The following GRID2IP variants were observed in gnomAD, a reference collection of about 807,000 sequenced individuals.
GRID2IP encodes the protein delphilin.
GRID2IP carries 78 observed loss-of-function variants against 114.3 expected under a neutral mutation model. The observed-to-expected ratio is 0.68, with a 90% confidence interval of 0.57 to 0.82. GRID2IP has a LOEUF of 0.82. Ranked by LOEUF, GRID2IP falls within the 40% of genes least tolerant of loss-of-function variation. The probability of loss-of-function intolerance (pLI) is 0.00; values close to 1 mark genes in which losing one functional copy is unlikely to be tolerated. For missense variants in GRID2IP, 1,727 were observed against 1,678.5 expected, an observed-to-expected ratio of 1.03 and a Z score of -0.51; for synonymous variants, 809 against 724.0, an observed-to-expected ratio of 1.12 and a Z score of -1.89.
At position 6,551,099 on chromosome 7, in the gene GRID2IP, A is replaced by T; in HGVS notation, c.338T>A (p.Leu113Gln). 1 of 1,302,322 alleles carries T rather than the reference A, an allele frequency of 7.7e-7. No homozygotes were observed. The highest frequency in any genetic ancestry group is 9.7e-7 in the Non-Finnish European group (1 of 1,029,488). 80.7% of individuals were successfully genotyped at this position (1,302,322 alleles called of 1,614,324 possible). A position where few individuals can be genotyped will look rare whatever the true frequency, so the allele number is the denominator to read the frequency against. ...GGCCAGGCGAAGCAGCTCACGGCCC[A>T]GAGCTAGGCCGCGGCCGCACCGCGG... ...RAPRCGRGLALGRELLRLAGR... is the reference protein window; with the variant it reads ...RAPRCGRGLAQGRELLRLAGR... The change falls in exon 1 of 22, where the codon CTG becomes CAG. Residue 113 changes from leucine to glutamine, a missense_variant. Leu to Gln is a moderately radical substitution (Grantham distance 113). Coordinates refer to ENST00000457091, the MANE Select transcript of GRID2IP (RefSeq NM_001145118.2).
At chr7:6,535,529 T>A (rs1207264188) in intron 2 of GRID2IP, among the ~76,000 whole-genome samples, 1 of 152,076 alleles carries the variant, frequency 6.6e-6, no homozygotes, top group Non-Finnish European at 1.5e-5. Context: ...CACGTGTATA[T>A]TTTTTTGCCT....
At chr7:6,524,254 C>G (rs748025903) in intron 4 of GRID2IP, among the ~76,000 whole-genome samples, 20 of 152,196 alleles carry the variant, frequency 1.3e-4, no homozygotes, top group Non-Finnish European at 2.4e-4. Context: ...CGATGCCCAG[C>G]TCACAGATCC....
At chr7:6,513,235 T>G (rs1488594457) in intron 8 of GRID2IP, among the ~76,000 whole-genome samples, 2 of 152,014 alleles carry the variant, frequency 1.3e-5, no homozygotes. Flanking sequence ...TCTTTCTTTT[T>G]TCTTTTTTTC....
Position 6,551,414 on chromosome 7 carries a change from G to A in GRID2IP, c.23C>T (p.Ala8Val). The A allele has an allele frequency of 6.5e-7, 1 of 1,544,718 alleles. No homozygotes were observed. The part of the protein sequence containing the change: MATTATP[A>V]TNQGWPEDFG... ...GTCCTCTGGCCAGCCCTGGTTCGTG[G>A]CCGGCGTGGCAGTGGTGGCCATGCA... The change falls in exon 1 of 22, where the codon GCC becomes GTC. Residue 8 changes from alanine to valine, a missense_variant. Coordinates refer to ENST00000457091, the MANE Select transcript of GRID2IP (RefSeq NM_001145118.2).
chr7:6,537,303 G>T (rs1223798085), intron 2 of GRID2IP, among the ~76,000 whole-genome samples: 1 of 151,036 alleles, frequency 6.6e-6, no homozygotes, highest in African/African-American at 2.4e-5. Context: ...CAGCATTTTG[G>T]GAGGCTGAGG....
intron 8 of GRID2IP, 46 bp downstream of exon 8, chr7:6,514,329 A>G (rs1779247699): frequency 6.9e-7 from 1 of 1,442,906 alleles, no homozygotes; most frequent in African/African-American, 1.4e-5. Flanking sequence ...TGAGCTGGAC[A>G]GTCAGCAGCT....
At position 6,508,269 on chromosome 7, in the gene GRID2IP, G is replaced by T. The variant is rs1283302801; in HGVS notation, c.2260C>A (p.Leu754Ile). 2 of 1,523,964 alleles carry T rather than the reference G, an allele frequency of 1.3e-6. No individual in the cohort carries two copies. The highest frequency in any genetic ancestry group is 2.8e-5 in the African/African-American group (2 of 72,306). The allele number at this position is 1,523,964 out of a possible 1,614,324, so 94.4% of individuals were successfully genotyped here. Residue 754 changes from leucine (L) to isoleucine (I), a missense_variant, in exon 13 of 22, where the codon CTC (leucine) becomes ATC (isoleucine). Transcript: ENST00000457091. The surrounding 1 kb of genome is among the most constrained non-coding windows in gnomAD (Gnocchi z 5.6). ...SISDHIPPPP[L>I]SPPPPPPLPF... is the part of the protein sequence containing the mutation. ...AGGGGTGGCGGTGGTGGGGGGCTGA[G>T]CGGGGGTGGGGGGATGTGGTCAGAG...
rs2115352189 is a variant in GRID2IP at position 6,501,998 on chromosome 7, C to T, written c.3271G>A (p.Ala1091Thr). 4 of 1,551,320 alleles carry T rather than the reference C, an allele frequency of 2.6e-6. No homozygotes were observed. The highest frequency in any genetic ancestry group is 2.4e-5 in the South Asian group (2 of 84,060). Residue 1091 changes from alanine to threonine, a missense_variant, in exon 19 of 22, where the codon GCT becomes ACT. Coordinates refer to ENST00000457091, the MANE Select transcript of GRID2IP (RefSeq NM_001145118.2). ...CACCCACCCAGCATACCTTTGGCAG[C>T]CAGGGGCACGGTGGGCAGGTCCTGA... is the stretch of plus-strand genomic sequence containing the variant. ...FAQDLPTVPL[A>T]AKVNQRALTS...
At chr7:6,511,922 T>A (rs185484477) in intron 8 of GRID2IP, among the ~76,000 whole-genome samples, 37 of 151,936 alleles carry the variant, frequency 2.4e-4, no homozygotes, top group Admixed American at 5.9e-4. Flanking sequence ...TTTCTCTCTT[T>A]ATTTATTCAG....
At chr7:6,514,588 A>C in intron 7 of GRID2IP, 59 bp from the exon 8 acceptor site, 1 of 1,398,354 alleles carries the variant, frequency 7.2e-7, no homozygotes, top group Non-Finnish European at 9.4e-7. Flanking sequence ...TGATGCACAG[A>C]GTGGGGGTAG....
intron 14 of GRID2IP, 145 bp from the exon 15 acceptor site, chr7:6,505,015 T>G: frequency 7.4e-6 from 5 of 676,960 alleles, no homozygotes; most frequent in Non-Finnish European, 1.3e-5. Flanking sequence ...AGTCCCTTCA[T>G]TCCTCAGGTC....
chr7:6,538,998 A>G (rs1431697845), intron 2 of GRID2IP, among the ~76,000 whole-genome samples: 1 of 152,046 alleles, frequency 6.6e-6, no homozygotes, highest in East Asian at 1.9e-4. Context: ...CTGGAGCCCC[A>G]CATGGCACAG....
At position 6,508,528 on chromosome 7, in the gene GRID2IP, C is replaced by G; in HGVS notation, c.2128-127G>C. 7.0e-7 allele frequency: 1 copy of G among 1,433,238 alleles called. No individual in the cohort carries two copies. The highest frequency in any genetic ancestry group is 9.3e-7 in the Non-Finnish European group (1 of 1,071,580). The allele number at this position is 1,433,238 out of a possible 1,614,324, so 88.8% of individuals were successfully genotyped here. A position where few individuals can be genotyped will look rare whatever the true frequency, so the allele number is the denominator to read the frequency against. On this transcript the variant is annotated intron_variant, in intron 12 of 21. Coordinates refer to ENST00000457091, the MANE Select transcript of GRID2IP (RefSeq NM_001145118.2). This position sits in a 1 kb window ranked among gnomAD's most constrained non-coding sequence, Gnocchi z 5.6. ...GGCCATCTCACGGGTTAGCCTCAGG[C>G]TGTGAGGGACACCTGGGCTAAGGAT...
chr7:6,538,036 C>T (rs1035664821), intron 2 of GRID2IP, among the ~76,000 whole-genome samples: 1 of 151,930 alleles, frequency 6.6e-6, no homozygotes, highest in Non-Finnish European at 1.5e-5. Context: ...AAGAGTGTTC[C>T]TCTAGTGTCT....
intron 2 of GRID2IP, among the ~76,000 whole-genome samples, chr7:6,531,535 T>C (rs1054065496): frequency 6.6e-5 from 10 of 152,360 alleles, no homozygotes; most frequent in Non-Finnish European, 1.3e-4. Flanking sequence ...CCCTTTACGC[T>C]GGGCCTCCAG....
rs1042287734 is a variant in GRID2IP at position 6,520,501 on chromosome 7, G to A, written c.1268+77C>T. ...AACGGGACTGAGGAGGTTCAGGCAG[G>A]GAGACTGGGATGTGAGTCTAGGCAG... On this transcript the variant is annotated intron_variant, in intron 7 of 21. Transcript: ENST00000457091. The surrounding 1 kb of genome is among the most constrained non-coding windows in gnomAD (Gnocchi z 4.6). 3.7e-5 allele frequency: 52 copies of A among 1,416,246 alleles called. No individual in the cohort carries two copies. Among genetic ancestry groups the A allele is most frequent in the Admixed American group, 6.5e-5 (3 of 45,834 alleles). The allele number at this position is 1,416,246 out of a possible 1,614,324, so 87.7% of individuals were successfully genotyped here.
Position 6,551,327 on chromosome 7 carries a change from C to G in GRID2IP, c.110G>C (p.Ser37Thr), listed in dbSNP as rs528689876. ...TGGCCGCAGTCCTCCGGCATGCGCG[C>G]TGCTCCCCTTGGCCACCTCCAGGAC... ...CFVLEVAKGS[S>T]AHAGGLRPGD... Residue 37 changes from serine (S) to threonine (T), a missense_variant, in exon 1 of 22, where the codon AGC (serine) becomes ACC (threonine). Coordinates refer to ENST00000457091, the MANE Select transcript of GRID2IP (RefSeq NM_001145118.2). The G allele has an allele frequency of 2.6e-6, 4 of 1,547,334 alleles. No individual in the cohort carries two copies. In the South Asian group the frequency reaches 4.8e-5, roughly 18 times the overall value.
Position 6,521,948 on chromosome 7 carries a change from G to C in GRID2IP, c.929C>G (p.Ala310Gly). 6 of 1,551,338 alleles carry C rather than the reference G, an allele frequency of 3.9e-6. No homozygotes were observed. The highest frequency in any genetic ancestry group is 4.4e-6 in the Non-Finnish European group (5 of 1,146,748). ...ACCTGACTTGAGGGCAGCATTGTCA[G>C]CTGGGCTCCCTGGAAGCAAGAAGAG... ...WIESVLPGSP[A>G]DNAALKSGDR... is the part of the protein sequence containing the mutation. Residue 310 changes from alanine (A) to glycine (G), a missense_variant, in exon 5 of 22, where the codon GCT (alanine) becomes GGT (glycine). Ala to Gly is a moderately conservative substitution (Grantham distance 60). Coordinates refer to ENST00000457091, the MANE Select transcript of GRID2IP (RefSeq NM_001145118.2). This position sits in a 1 kb window ranked among gnomAD's most constrained non-coding sequence, Gnocchi z 4.1.
chr7:6,522,253 C>A (rs142069232), intron 4 of GRID2IP, among the ~76,000 whole-genome samples: 1 of 152,160 alleles, frequency 6.6e-6, no homozygotes, highest in Non-Finnish European at 1.5e-5. Flanking sequence ...GTCAGCAGAC[C>A]CCTGTAATAG....
Sources: allele counts gnomAD v4.1 joint callset (sites outside exome capture counted in the v4.1 genomes callset), GRCh38; gene constraint gnomAD v4.1.1; non-coding constraint Gnocchi (gnomAD v3.1); transcripts MANE v1.5; gene names NCBI Gene and HGNC (gene_info 2026-07-23, HGNC 2026-07-21).